The following CDKL1 variants were observed in gnomAD, a reference collection of about 807,000 sequenced individuals.
CDKL1 encodes cyclin-dependent kinase-like 1.
CDKL1 carries 41 observed loss-of-function variants against 42.0 expected under a neutral mutation model. The observed-to-expected ratio is 0.98, with a 90% confidence interval of 0.76 to 1.27. The LOEUF (loss-of-function observed/expected upper bound fraction) is 1.27, where lower values mean the gene tolerates loss of function less well. Ranked by LOEUF, CDKL1 falls within the 50% of genes most tolerant of loss-of-function variation. The pLI is 0.00. For missense variants in CDKL1, 394 were observed against 428.4 expected (o/e 0.92, Z 0.71); for synonymous variants, 153 against 158.6 (o/e 0.96, Z 0.26).
At chr14:50,380,307 G>T (rs1053671353) in intron 2 of CDKL1, 4 of 492,718 alleles carry the variant, frequency 8.1e-6, no homozygotes, top group African/African-American at 2.0e-5. Context: ...TGATGCCCAT[G>T]CTAACCCCCT....
At chr14:50,355,224 A>AT (rs2034021737) in intron 3 of CDKL1, among the ~76,000 whole-genome samples, 1 of 152,052 alleles carries the variant, frequency 6.6e-6, no homozygotes, top group Non-Finnish European at 1.5e-5. Flanking sequence ...GTTGATTGCA[A>AT]TTTTTTCTTT....
At chr14:50,351,624 A>T (rs2033904363) in intron 3 of CDKL1, among the ~76,000 whole-genome samples, 1 of 151,890 alleles carries the variant, frequency 6.6e-6, no homozygotes, top group South Asian at 2.1e-4. Flanking sequence ...AGTCCCAGCT[A>T]CTTAGAAGGC....
intron 3 of CDKL1, among the ~76,000 whole-genome samples, chr14:50,351,734 CA>C (rs1199112239): frequency 0.047 from 2,966 of 62,914 alleles, 24 homozygotes; most frequent in African/African-American, 0.072. Flanking sequence ...GGCCTTGTCT[CA>C]AAAAAAAAAA....
At chr14:50,353,099 C>T (rs113746077) in intron 3 of CDKL1, among the ~76,000 whole-genome samples, 32 of 152,194 alleles carry the variant, frequency 2.1e-4, no homozygotes, top group Non-Finnish European at 4.0e-4. Flanking sequence ...GCCATTCTGT[C>T]TAAGGTTGCT....
chr14:50,387,887 G>A (rs144493162), intron 2 of CDKL1, among the ~76,000 whole-genome samples: 1 of 152,084 alleles, frequency 6.6e-6, no homozygotes, highest in Non-Finnish European at 1.5e-5. Context: ...TTTCCACTGA[G>A]GTGTTTGTTT....
Position 50,335,580 on chromosome 14 carries a change from C to T in CDKL1, c.739-959G>A, listed in dbSNP as rs1194242191. Reference sequence around the variant, plus strand: ...ATAACACTATAAATGGGAGGAATGCCGAATGTCAGGCAGACAAACAGGCCA... The same window carrying T: ...ATAACACTATAAATGGGAGGAATGCTGAATGTCAGGCAGACAAACAGGCCA... On this transcript the variant is annotated intron_variant, in intron 7 of 9. Transcript: ENST00000395834. 4.6e-6 allele frequency: 7 copies of T among 1,535,008 alleles called. No individual in the cohort carries two copies. In the East Asian group the frequency reaches 7.3e-5, roughly 16 times the overall value.
intron 2 of CDKL1, among the ~76,000 whole-genome samples, chr14:50,384,239 A>C (rs1029613757): frequency 3.3e-5 from 5 of 152,238 alleles, no homozygotes; most frequent in Non-Finnish European, 7.3e-5. Flanking sequence ...TTATGAGAAC[A>C]TGTGCAGAGA....
chr14:50,338,024 C>A lies in CDKL1; in HGVS notation c.738+923G>T, dbSNP rs541108253. ...TACATAATCCCCTACTGATGGAATA[C>A]TAAAGGAAATAATTTCTATTAAATA... On this transcript the variant is annotated intron_variant, in intron 7 of 9. Coordinates refer to ENST00000395834, the MANE Select transcript of CDKL1 (RefSeq NM_004196.7). Among the ~76,000 whole-genome samples the A allele has an allele frequency of 2.4e-3, 371 of 152,176 alleles. 2 individuals carry two copies. Among genetic ancestry groups the A allele is most frequent in the Admixed American group, 5.2e-3 (79 of 15,288 alleles).
At chr14:50,352,873 T>C (rs1395693910) in intron 3 of CDKL1, among the ~76,000 whole-genome samples, 1 of 152,214 alleles carries the variant, frequency 6.6e-6, no homozygotes, top group African/African-American at 2.4e-5. Context: ...CATACCCAAA[T>C]TCTGAGTACT....
At chr14:50,362,887 T>A (rs146341284) in intron 2 of CDKL1, 23 of 419,928 alleles carry the variant, frequency 5.5e-5, no homozygotes, top group Admixed American at 5.3e-4. Flanking sequence ...AGTGGCAACC[T>A]ACCCTGGGCA....
At chr14:50,336,099 G>A (rs759773715) in intron 7 of CDKL1, 2 of 1,366,190 alleles carry the variant, frequency 1.5e-6, no homozygotes, top group South Asian at 2.3e-5. Flanking sequence ...TGCTGTCTCA[G>A]CAACAATGTC....
intron 5 of CDKL1, 44 bp downstream of exon 5, chr14:50,342,085 AACT>A: frequency 6.8e-7 from 1 of 1,472,416 alleles, no homozygotes; most frequent in Non-Finnish European, 9.5e-7. Context: ...TTGTATCAAG[AACT>A]TTTTCATTTT....
At chr14:50,343,968 A>G (rs1257731049) in intron 4 of CDKL1, among the ~76,000 whole-genome samples, 1 of 152,258 alleles carries the variant, frequency 6.6e-6, no homozygotes, top group Admixed American at 6.5e-5. Flanking sequence ...AACAATATAA[A>G]GAAGGAGATT....
At chr14:50,393,314 C>T (rs2035311469) in intron 2 of CDKL1, among the ~76,000 whole-genome samples, 1 of 152,218 alleles carries the variant, frequency 6.6e-6, no homozygotes, top group Admixed American at 6.5e-5. Context: ...AACTTACCTC[C>T]CTTCCAAGAG....
At chr14:50,375,394 T>G (rs576007299) in intron 2 of CDKL1, among the ~76,000 whole-genome samples, 8 of 152,372 alleles carry the variant, frequency 5.3e-5, no homozygotes, top group African/African-American at 1.9e-4. Flanking sequence ...TACTCCACCT[T>G]CAGGGACGGG....
Position 50,327,869 on chromosome 14 carries a change from A to G in CDKL1, c.*2205T>C, listed in dbSNP as rs1401455562. 6.6e-6 allele frequency: 1 copy of G among 152,216 alleles called. No individual in the cohort carries two copies. Among genetic ancestry groups the G allele is most frequent in the African/African-American group, 2.4e-5 (1 of 41,450 alleles). The allele number at this position is 152,216 out of a possible 1,614,324, so 9.4% of individuals were successfully genotyped here. ...AACAATGTTGTGTTTAACAGCTTAT[A>G]CAAATAACACAGTATAAATGGTAAT... On this transcript the variant is annotated 3_prime_UTR_variant, in exon 10 of 10. Coordinates refer to ENST00000395834, the MANE Select transcript of CDKL1 (RefSeq NM_004196.7).
At chr14:50,332,692 C>G in intron 8 of CDKL1, 1 of 1,532,684 alleles carries the variant, frequency 6.5e-7, no homozygotes, top group East Asian at 2.4e-5. Context: ...GGTACTCTGC[C>G]CTGGGAGAGT....
chr14:50,395,540 AC>A (rs11570783), intron 2 of CDKL1, among the ~76,000 whole-genome samples, 160 bp downstream of exon 2: 2,397 of 152,276 alleles, frequency 0.016, 25 homozygotes, highest in Non-Finnish European at 0.022. Flanking sequence ...AGTGGCTAGA[AC>A]CTGTAATCCC....
intron 2 of CDKL1, among the ~76,000 whole-genome samples, chr14:50,373,702 C>T (rs1232165025): frequency 6.6e-6 from 1 of 152,002 alleles, no homozygotes; most frequent in African/African-American, 2.4e-5. Context: ...TAGGAAATTC[C>T]AAATTACAAC....
Sources: allele counts gnomAD v4.1 joint callset (sites outside exome capture counted in the v4.1 genomes callset), GRCh38; gene constraint gnomAD v4.1.1; transcripts MANE v1.5; gene names NCBI Gene and HGNC (gene_info 2026-07-23, HGNC 2026-07-21).